The following KDM4B variants were observed in gnomAD, a reference collection of about 807,000 sequenced individuals.
The protein encoded by KDM4B is lysine-specific demethylase 4B.
A neutral mutation model predicts 125.2 loss-of-function variants in KDM4B; 32 were observed. The ratio of observed to expected loss-of-function variants is 0.26; its 90% CI spans 0.19 to 0.34. The LOEUF is 0.34. KDM4B is among the 10% of genes least tolerant of loss of function. The pLI, the probability that KDM4B is intolerant of heterozygous loss-of-function variation, is 1.00. For synonymous variants in KDM4B, 721 were observed against 677.9 expected, an observed-to-expected ratio of 1.06 and a Z score of -0.99; for missense variants, 1,190 against 1,577.7, an observed-to-expected ratio of 0.75 and a Z score of 4.16.
At chr19:5,086,653 C>A (rs1055129316) in intron 9 of KDM4B, among the ~76,000 whole-genome samples, 3 of 152,214 alleles carry the variant, frequency 2.0e-5, no homozygotes, top group African/African-American at 4.8e-5. Flanking sequence ...CCTCCCCCCC[C>A]CAGCCCCCAG....
chr19:5,032,534 G>A (rs934627945), intron 2 of KDM4B, among the ~76,000 whole-genome samples: 15 of 152,212 alleles, frequency 9.9e-5, no homozygotes, highest in Admixed American at 9.2e-4. Context: ...TGCAGCGGAC[G>A]CTGACACACC....
At chr19:4,996,573 G>C (rs183404278) in intron 1 of KDM4B, among the ~76,000 whole-genome samples, 1 of 150,548 alleles carries the variant, frequency 6.6e-6, no homozygotes, top group African/African-American at 2.4e-5. Flanking sequence ...ACGCGGTCTC[G>C]CCATGTTGTC....
chr19:5,104,599 G>A lies in KDM4B; in HGVS notation c.919-6023G>A, dbSNP rs191788331. ...CAAAGAGCAGGCACAGGGATGCTCT[G>A]TCTTGGAAGGGGGTTTTGTCTGGGA... On this transcript the variant is annotated intron_variant, in intron 9 of 22. Transcript: ENST00000159111. Among the ~76,000 whole-genome samples, 189 of 152,098 alleles carry A rather than the reference G, an allele frequency of 1.2e-3. 2 individuals carry two copies. Among genetic ancestry groups the A allele is most frequent in the African/African-American group, 4.4e-3 (181 of 41,472 alleles).
Position 5,139,729 on chromosome 19 carries a change from G to A in KDM4B, c.2550+1659G>A, listed in dbSNP as rs369220356. On this transcript the variant is annotated intron_variant, in intron 18 of 22. Coordinates refer to ENST00000159111, the MANE Select transcript of KDM4B (RefSeq NM_015015.3). ...ATCTGCATGCCGTCTTTGGAGAAACGTCTGTTCTGCTCCTTCGCCCATTCC... is the reference window on the plus strand; with the variant it reads ...ATCTGCATGCCGTCTTTGGAGAAACATCTGTTCTGCTCCTTCGCCCATTCC... 9.8e-5 allele frequency among the ~76,000 whole-genome samples: 15 copies of A among 152,346 alleles called. No homozygotes were observed. The East Asian group carries it at 1.2e-3, about 12-fold the overall frequency.
At chr19:5,084,652 T>C (rs1024611092) in intron 9 of KDM4B, among the ~76,000 whole-genome samples, 1 of 147,184 alleles carries the variant, frequency 6.8e-6, no homozygotes, top group African/African-American at 2.5e-5. Flanking sequence ...GTATGTATAA[T>C]TAAGATGGAT....
rs376519897 is a variant in KDM4B at position 4,987,721 on chromosome 19, G to A, written c.-109+18491G>A. Among the ~76,000 whole-genome samples, 42 of 152,294 alleles carry A rather than the reference G, an allele frequency of 2.8e-4. 1 individual carries two copies. Among genetic ancestry groups the A allele is most frequent in the Middle Eastern group, 3.4e-3 (1 of 294 alleles). On this transcript the variant is annotated intron_variant, in intron 1 of 22. Transcript: ENST00000159111. The stretch of plus-strand genomic sequence containing the variant: ...ATGATGGGCGTGAGCCACTGCGCCC[G>A]GCCAGTATATGTGTTTTAAAGACCT...
intron 9 of KDM4B, among the ~76,000 whole-genome samples, chr19:5,083,653 G>C (rs1018386585): frequency 1.6e-4 from 24 of 147,950 alleles, no homozygotes; most frequent in Non-Finnish European, 2.9e-4. Context: ...GAACAGCCCA[G>C]CTCCTCCCAG....
chr19:5,059,159 C>T (rs1325964762), intron 6 of KDM4B, among the ~76,000 whole-genome samples: 1 of 152,202 alleles, frequency 6.6e-6, no homozygotes, highest in African/African-American at 2.4e-5. Context: ...AAATTTCTCT[C>T]CCTTCGGCGA....
intron 1 of KDM4B, among the ~76,000 whole-genome samples, chr19:4,994,621 T>C (rs147804332): frequency 0.012 from 1,827 of 147,656 alleles, 22 homozygotes; most frequent in Non-Finnish European, 0.019. Context: ...TATAGTATAG[T>C]ATATAGTTGG....
intron 1 of KDM4B, among the ~76,000 whole-genome samples, chr19:5,006,901 C>T (rs191435787): frequency 5.0e-4 from 76 of 152,292 alleles, no homozygotes; most frequent in African/African-American, 1.8e-3. Flanking sequence ...GACAACAGTG[C>T]CTTTCCCATG....
chr19:5,065,896 G>A (rs2037755125), intron 6 of KDM4B, among the ~76,000 whole-genome samples: 1 of 152,178 alleles, frequency 6.6e-6, no homozygotes, highest in Non-Finnish European at 1.5e-5. Context: ...GCATCCCCCG[G>A]GCAGCTCTGC....
chr19:5,051,257 A>G (rs1237200432), intron 6 of KDM4B, among the ~76,000 whole-genome samples: 1 of 152,220 alleles, frequency 6.6e-6, no homozygotes, highest in African/African-American at 2.4e-5. Flanking sequence ...TGCACCCCAA[A>G]GAAGAGAGTG....
intron 21 of KDM4B, among the ~76,000 whole-genome samples, chr19:5,147,581 C>G (rs1230552138): frequency 6.6e-6 from 1 of 151,608 alleles, no homozygotes; most frequent in South Asian, 2.1e-4. Flanking sequence ...CCTGTCTCTA[C>G]AAAAAAACAA....
chr19:4,972,117 C>T (rs2034280980), intron 1 of KDM4B, among the ~76,000 whole-genome samples: 1 of 152,210 alleles, frequency 6.6e-6, no homozygotes, highest in East Asian at 1.9e-4. Context: ...CCAGGGGTCT[C>T]TGTTCCTGGC....
chr19:5,091,734 C>T (rs1228759199), intron 9 of KDM4B, among the ~76,000 whole-genome samples: 3 of 135,076 alleles, frequency 2.2e-5, no homozygotes, highest in Non-Finnish European at 3.2e-5. Context: ...CAGGGGGAGG[C>T]GGCAGAAGGC....
At position 5,082,787 on chromosome 19, in the gene KDM4B, T is replaced by C. The variant is rs2038342802; in HGVS notation, c.918+283T>C. On this transcript the variant is annotated intron_variant, in intron 9 of 22. Transcript: ENST00000159111. The surrounding 1 kb of genome is among the most constrained non-coding windows in gnomAD (Gnocchi z 5.4). ...AGTTATCCCTCGGCCTGCGTGGGCC[T>C]CCTGGGCATGGCCGGCTGCTCGGGT... is the stretch of plus-strand genomic sequence containing the variant. Among the ~76,000 whole-genome samples the C allele has an allele frequency of 6.6e-6, 1 of 152,310 alleles. No homozygotes were observed. The highest frequency in any genetic ancestry group is 2.1e-4 in the South Asian group (1 of 4,818).
chr19:5,035,915 G>A lies in KDM4B; in HGVS notation c.141+2884G>A, dbSNP rs1051538798. Among the ~76,000 whole-genome samples the A allele has an allele frequency of 1.3e-5, 2 of 151,478 alleles. No homozygotes were observed. The highest frequency in any genetic ancestry group is 2.9e-5 in the Non-Finnish European group (2 of 67,814). On this transcript the variant is annotated intron_variant, in intron 3 of 22. Transcript: ENST00000159111. This position sits in a 1 kb window ranked among gnomAD's most constrained non-coding sequence, Gnocchi z 5.3. The stretch of plus-strand genomic sequence containing the variant: ...CGCGCGCCTGCGCGCACAGGAGACT[G>A]AGGTGGGGAGGCAGCTCTCACACAG...
chr19:5,108,905 G>C (rs550716498), intron 9 of KDM4B, among the ~76,000 whole-genome samples: 1 of 152,142 alleles, frequency 6.6e-6, no homozygotes, highest in East Asian at 1.9e-4. Flanking sequence ...ACGGGGGCCC[G>C]TGCCTCTGCC....
At chr19:5,119,508 C>T in intron 10 of KDM4B, 145 bp from the exon 11 acceptor site, 1 of 832,024 alleles carries the variant, frequency 1.2e-6, no homozygotes, top group South Asian at 1.5e-5. Flanking sequence ...TTCCCTTTAC[C>T]CCCGGCCTCC....
Sources: allele counts gnomAD v4.1 joint callset (sites outside exome capture counted in the v4.1 genomes callset), GRCh38; gene constraint gnomAD v4.1.1; non-coding constraint Gnocchi (gnomAD v3.1); transcripts MANE v1.5; gene names NCBI Gene and HGNC (gene_info 2026-07-23, HGNC 2026-07-21).